The following ST6GALNAC5 variants were observed in gnomAD, a reference collection of about 807,000 sequenced individuals.
ST6GALNAC5 encodes ST6 N-acetylgalactosaminide alpha-2,6-sialyltransferase 5.
In ST6GALNAC5, 27 loss-of-function variants were observed where a neutral mutation model predicts 33.6. The ratio of observed to expected loss-of-function variants is 0.80; its 90% confidence interval spans 0.59 to 1.11. The LOEUF (loss-of-function observed/expected upper bound fraction) is 1.11. ST6GALNAC5 is among the 50% of genes least tolerant of loss of function. The probability of loss-of-function intolerance (pLI) is 0.00; values close to 1 mark genes in which losing one functional copy is unlikely to be tolerated. For synonymous variants in ST6GALNAC5, 194 were observed against 171.2 expected, an observed-to-expected ratio of 1.13 and a Z score of -1.04; for missense variants, 428 against 454.0, an observed-to-expected ratio of 0.94 and a Z score of 0.52.
intron 2 of ST6GALNAC5, among the ~76,000 whole-genome samples, chr1:76,884,405 G>A (rs1356837175): frequency 1.3e-5 from 2 of 152,086 alleles, no homozygotes; most frequent in African/African-American, 4.8e-5. Context: ...GCTGTTTGTC[G>A]AGACTCCATA....
At chr1:76,941,508 G>A (rs969138888) in intron 2 of ST6GALNAC5, among the ~76,000 whole-genome samples, 30 of 152,038 alleles carry the variant, frequency 2.0e-4, no homozygotes, top group African/African-American at 7.0e-4. Context: ...ACCTATAAAT[G>A]TAGCCTTTTT....
chr1:76,971,966 T>C (rs1648776338), intron 2 of ST6GALNAC5, among the ~76,000 whole-genome samples: 1 of 152,222 alleles, frequency 6.6e-6, no homozygotes, highest in Non-Finnish European at 1.5e-5. Context: ...ACATAATGTG[T>C]TACTTTTTAA....
chr1:76,992,857 T>C (rs1323098937), intron 2 of ST6GALNAC5, among the ~76,000 whole-genome samples: 3 of 152,188 alleles, frequency 2.0e-5, no homozygotes, highest in East Asian at 3.9e-4. Context: ...TTCCTGTGTA[T>C]TTCCCAAAAC....
Position 77,063,236 on chromosome 1 carries a change from G to A in ST6GALNAC5, c.*30G>A. ...TGAGCATGCCAGACTGTAATCCCAG[G>A]TATTCACTGCATCAGACACCGAGAC... On this transcript the variant is annotated 3_prime_UTR_variant, in exon 5 of 5. Coordinates refer to ENST00000477717, the MANE Select transcript of ST6GALNAC5 (RefSeq NM_030965.3). 6.3e-7 allele frequency: 1 copy of A among 1,594,434 alleles called. No homozygotes were observed. The highest frequency in any genetic ancestry group is 8.6e-7 in the Non-Finnish European group (1 of 1,163,466).
chr1:77,025,874 G>A (rs1381822756), intron 2 of ST6GALNAC5, among the ~76,000 whole-genome samples: 3 of 152,132 alleles, frequency 2.0e-5, no homozygotes, highest in Non-Finnish European at 2.9e-5. Flanking sequence ...CTCCACGGGT[G>A]GGAAACATGA....
In ST6GALNAC5 at chr1:77,018,763, AG is replaced by A. The variant is rs1189072509; in HGVS notation, c.262-25438del. Among the ~76,000 whole-genome samples, 3 of 152,230 alleles carry A rather than the reference AG, an allele frequency of 2.0e-5. No individual in the cohort carries two copies. The East Asian group carries it at 5.8e-4, about 29-fold the overall frequency. On this transcript the variant is annotated intron_variant, in intron 2 of 4. Coordinates refer to ENST00000477717, the MANE Select transcript of ST6GALNAC5 (RefSeq NM_030965.3). ...TTTGAGGATTAGTGAGCTCTACATA[AG>A]GGATGTCAGGTACATTATAAGCGTT... is the stretch of plus-strand genomic sequence containing the variant.
In ST6GALNAC5 at chr1:76,868,996, C is replaced by T; in HGVS notation, c.261+254C>T. The T allele has an allele frequency of 2.0e-6, 1 of 504,278 alleles. No individual in the cohort carries two copies. The highest frequency in any genetic ancestry group is 3.2e-6 in the Non-Finnish European group (1 of 310,126). 31.2% of individuals were successfully genotyped at this position (504,278 alleles called of 1,614,324 possible). A position where few individuals can be genotyped will look rare whatever the true frequency, so the allele number is the denominator to read the frequency against. ...AGCCTAATTTCCCAGCAGAAATCGG[C>T]CCTGGAACTAGAACTCCCTGATCCC... On this transcript the variant is annotated intron_variant, in intron 2 of 4. Transcript: ENST00000477717. The surrounding 1 kb of genome is among the most constrained non-coding windows in gnomAD (Gnocchi z 4.3).
At chr1:76,899,671 G>A (rs1310469251) in intron 2 of ST6GALNAC5, among the ~76,000 whole-genome samples, 1 of 152,174 alleles carries the variant, frequency 6.6e-6, no homozygotes, top group Non-Finnish European at 1.5e-5. Flanking sequence ...GGAGTTTTGG[G>A]TCCACAGATA....
chr1:76,867,728 G>A, intron 1 of ST6GALNAC5, 38 bp downstream of exon 1: 1 of 1,613,972 alleles, frequency 6.2e-7, no homozygotes, highest in East Asian at 2.2e-5. Context: ...GCAAAGAGGG[G>A]GATCCCCGGG....
intron 4 of ST6GALNAC5, among the ~76,000 whole-genome samples, chr1:77,051,071 G>T (rs938377456): frequency 1.3e-5 from 2 of 152,210 alleles, no homozygotes; most frequent in Admixed American, 6.5e-5. Flanking sequence ...CTGATGGCCT[G>T]CACATGGACT....
intron 2 of ST6GALNAC5, among the ~76,000 whole-genome samples, chr1:76,933,763 C>CAAAAAAAAAAA (rs35621324): frequency 1.5e-5 from 1 of 67,618 alleles, no homozygotes; most frequent in Non-Finnish European, 2.7e-5. Flanking sequence ...TTTTCTCTGC[C>CAAAAAAAAAAA]AAAAAAAAAA....
At chr1:77,006,442 T>C (rs974200871) in intron 2 of ST6GALNAC5, among the ~76,000 whole-genome samples, 1 of 150,224 alleles carries the variant, frequency 6.7e-6, no homozygotes, top group African/African-American at 2.5e-5. Flanking sequence ...GCCTCCTGAG[T>C]AGCTGAGATT....
intron 2 of ST6GALNAC5, among the ~76,000 whole-genome samples, chr1:76,895,272 G>C (rs1046287493): frequency 1.3e-5 from 2 of 151,996 alleles, no homozygotes; most frequent in African/African-American, 4.8e-5. Flanking sequence ...GTGGTAAAGT[G>C]TTGGGGTGGT....
At chr1:76,969,744 G>A (rs537554383) in intron 2 of ST6GALNAC5, among the ~76,000 whole-genome samples, 26 of 152,234 alleles carry the variant, frequency 1.7e-4, no homozygotes, top group African/African-American at 4.6e-4. Context: ...CCTGACCCCC[G>A]TGTAGCCTAA....
In ST6GALNAC5 at chr1:77,050,978, T is replaced by G. The variant is rs568972111; in HGVS notation, c.779+613T>G. ...CTCAGCAATATTCAGGGCCTGATTT[T>G]TGGAAGCCTGCTTGAAAACTCGCCT... On this transcript the variant is annotated intron_variant, in intron 4 of 4. Coordinates refer to ENST00000477717, the MANE Select transcript of ST6GALNAC5 (RefSeq NM_030965.3). 1.1e-4 allele frequency among the ~76,000 whole-genome samples: 17 copies of G among 152,336 alleles called. No individual in the cohort carries two copies. The South Asian group carries it at 2.9e-3, about 26-fold the overall frequency.
chr1:76,951,950 A>T (rs895263112), intron 2 of ST6GALNAC5, among the ~76,000 whole-genome samples: 1 of 152,132 alleles, frequency 6.6e-6, no homozygotes, highest in African/African-American at 2.4e-5. Flanking sequence ...CCTGTGTTGG[A>T]ACCTCATTTG....
chr1:76,961,389 GA>G (rs1352171271), intron 2 of ST6GALNAC5, among the ~76,000 whole-genome samples: 2 of 152,028 alleles, frequency 1.3e-5, no homozygotes, highest in Admixed American at 1.3e-4. Flanking sequence ...ATGCGAAGAA[GA>G]AAGAAAAAAA....
chr1:76,999,639 C>G (rs575081260), intron 2 of ST6GALNAC5, among the ~76,000 whole-genome samples: 3 of 151,156 alleles, frequency 2.0e-5, no homozygotes, highest in African/African-American at 7.3e-5. Flanking sequence ...ATCCCTCCCC[C>G]CTGCCCCCAC....
chr1:77,044,084 A>G (rs943385524), intron 2 of ST6GALNAC5, 120 bp from the exon 3 acceptor site: 1 of 1,118,840 alleles, frequency 8.9e-7, no homozygotes, highest in South Asian at 1.6e-5. Flanking sequence ...ATACTCTGAC[A>G]TGATGGGGAG....
Sources: allele counts gnomAD v4.1 joint callset (sites outside exome capture counted in the v4.1 genomes callset), GRCh38; gene constraint gnomAD v4.1.1; non-coding constraint Gnocchi (gnomAD v3.1); transcripts MANE v1.5; gene names NCBI Gene and HGNC (gene_info 2026-07-23, HGNC 2026-07-21).